The following ITFG2 variants were observed in gnomAD, a reference collection of about 807,000 sequenced individuals.
The protein encoded by ITFG2 is integrin alpha FG-GAP repeat containing 2.
A neutral mutation model predicts 54.4 loss-of-function variants in ITFG2; 36 were observed. The observed-to-expected ratio is 0.66, with a 90% CI of 0.51 to 0.87. ITFG2 has a LOEUF of 0.87. Ranked by LOEUF, ITFG2 falls within the 40% of genes least tolerant of loss-of-function variation. The pLI is 0.00. For synonymous variants in ITFG2, 211 were observed against 225.4 expected (o/e 0.94, Z 0.57); for missense variants, 524 against 576.7 (o/e 0.91, Z 0.94).
At position 2,824,096 on chromosome 12, in the gene ITFG2, A is replaced by G; in HGVS notation, c.1247A>G (p.Asp416Gly). Residue 416 changes from aspartate (D) to glycine (G), a missense_variant, in exon 12 of 12, where the codon GAC (aspartate) becomes GGC (glycine). Asp to Gly is a moderately conservative substitution (Grantham distance 94). Transcript: ENST00000228799. Reference protein sequence around the residue: ...SLLQELGVDPDDLPVTRALLH... With the variant: ...SLLQELGVDPGDLPVTRALLH... ...ACCCCTTCTTGGCTCTCAGATCCTGACGACCTCCCTGTGACTCGTGCCCTG... is the reference window on the plus strand; with the variant it reads ...ACCCCTTCTTGGCTCTCAGATCCTGGCGACCTCCCTGTGACTCGTGCCCTG... The G allele has an allele frequency of 1.2e-6, 2 of 1,613,982 alleles. No homozygotes were observed. Among genetic ancestry groups the G allele is most frequent in the Non-Finnish European group, 1.7e-6 (2 of 1,179,990 alleles).
intron 2 of ITFG2, chr12:2,830,500 A>G: frequency 3.9e-6 from 2 of 517,524 alleles, no homozygotes; most frequent in Non-Finnish European, 3.4e-6. Context: ...GGGCAGAGTA[A>G]TGGTGGTGAC....
intron 2 of ITFG2, chr12:2,830,462 T>A: frequency 3.2e-5 from 14 of 434,402 alleles, no homozygotes; most frequent in South Asian, 1.3e-4. Context: ...TTACTTAATT[T>A]AAGTATTGTA....
rs1358349043 is a variant in ITFG2, at chr12:2,820,086, A to G, written c.407A>G (p.Asp136Gly). The change falls in exon 5 of 12, where the codon GAT becomes GGT. Residue 136 changes from aspartate to glycine, a missense_variant and splice_region_variant. By Grantham distance (94) the Asp-to-Gly change is moderately conservative (BLOSUM62 -1). Coordinates refer to ENST00000228799, the MANE Select transcript of ITFG2 (RefSeq NM_018463.4). ...CCCATCTTGTCTTTCATGCCCACAGATGGAGATGGGTGTCGTGAGCTGGTG... is the reference window on the plus strand; with the variant it reads ...CCCATCTTGTCTTTCATGCCCACAGGTGGAGATGGGTGTCGTGAGCTGGTG... ...NTKVMLISDI[D>G]GDGCRELVVG... 6 of 1,605,114 alleles carry G rather than the reference A, an allele frequency of 3.7e-6. No individual in the cohort carries two copies. Among genetic ancestry groups the G allele is most frequent in the Non-Finnish European group, 5.1e-6 (6 of 1,176,228 alleles).
intron 2 of ITFG2, among the ~76,000 whole-genome samples, chr12:2,850,172 G>A (rs368610900): frequency 9.0e-4 from 137 of 152,144 alleles, no homozygotes; most frequent in African/African-American, 2.9e-3. Flanking sequence ...TCAAACCTCA[G>A]CATTTGAAAA....
intron 7 of ITFG2, 89 bp from the exon 8 acceptor site, chr12:2,821,454 G>A: frequency 6.4e-7 from 1 of 1,564,312 alleles, no homozygotes; most frequent in South Asian, 1.1e-5. Flanking sequence ...TTCGAGCCCT[G>A]TCCTTCCCCT....
intron 2 of ITFG2, chr12:2,849,565 GAA>G (rs1485316959): frequency 1.3e-6 from 2 of 1,534,580 alleles, no homozygotes; most frequent in Non-Finnish European, 1.7e-6. Context: ...AGAGATCAAA[GAA>G]GAGATCCAGG....
rs773365466 is a variant in ITFG2, at chr12:2,817,269, A to G, written c.143A>G (p.Tyr48Cys). The part of the protein sequence containing the change: ...VGDTSGKVSV[Y>C]KNDDSRPWLT... Reference sequence around the variant, plus strand: ...GACACCAGCGGGAAGGTGTCTGTGTATAAAAATGATGACAGTCGGCCATGG... The same window carrying G: ...GACACCAGCGGGAAGGTGTCTGTGTGTAAAAATGATGACAGTCGGCCATGG... Residue 48 changes from tyrosine (Y) to cysteine (C), a missense_variant, in exon 2 of 12, where the codon TAT becomes TGT. Coordinates refer to ENST00000228799, the MANE Select transcript of ITFG2 (RefSeq NM_018463.4). 4 of 1,614,046 alleles carry G rather than the reference A, an allele frequency of 2.5e-6. No individual in the cohort carries two copies. The highest frequency in any genetic ancestry group is 3.4e-6 in the Non-Finnish European group (4 of 1,179,956).
intron 2 of ITFG2, 46 bp from the exon 3 acceptor site, chr12:2,817,863 C>T: frequency 6.3e-7 from 1 of 1,577,156 alleles, no homozygotes; most frequent in African/African-American, 1.4e-5. Flanking sequence ...TCAGGGAGTA[C>T]TGGTCTCCCT....
chr12:2,827,756 T>C, downstream of ITFG2: 1 of 1,610,604 alleles, frequency 6.2e-7, no homozygotes, highest in Non-Finnish European at 8.5e-7. This position sits in a 1 kb window ranked among gnomAD's most constrained non-coding sequence, Gnocchi z 4.0. Context: ...CGTTGCTCCT[T>C]CTCTGCCCAC....
At chr12:2,831,230 C>T (rs1271151774), downstream of ITFG2, among the ~76,000 whole-genome samples, 1 of 151,206 alleles carries the variant, frequency 6.6e-6, no homozygotes, top group African/African-American at 2.4e-5. Context: ...TCCCCTCTGA[C>T]CTCATCCTTC....
chr12:2,843,773 A>ACAG (rs1390484506), intron 2 of ITFG2, among the ~76,000 whole-genome samples: 3,494 of 134,704 alleles, frequency 0.026, 64 homozygotes, highest in East Asian at 0.1. Flanking sequence ...AGATCGTGCC[A>ACAG]CTGCACTCCA....
At chr12:2,835,190 T>TAA (rs1555088488), upstream of ITFG2, 1 of 875,252 alleles carries the variant, frequency 1.1e-6, no homozygotes, top group Non-Finnish European at 1.3e-6. Context: ...TGTGTGTGTG[T>TAA]GAGAGAGAGA....
chr12:2,818,619 C>T (rs1001236690), intron 4 of ITFG2: 2 of 366,104 alleles, frequency 5.5e-6, no homozygotes, highest in Non-Finnish European at 1.0e-5. Flanking sequence ...GCTATGATCT[C>T]ACCACTGCAC....
intron 2 of ITFG2, chr12:2,854,795 G>T: frequency 1.6e-6 from 2 of 1,234,496 alleles, no homozygotes; most frequent in East Asian, 2.6e-5. Context: ...TGGCCAGAGC[G>T]GGGAAGGACA....
chr12:2,855,370 C>G, intron 2 of ITFG2: 1 of 1,519,776 alleles, frequency 6.6e-7, no homozygotes. Context: ...AGGGAACTCC[C>G]AGGACTCGCT....
At position 2,849,212 on chromosome 12, in the gene ITFG2, G is replaced by T. The variant is rs757688746; in HGVS notation, n.300+8217G>T. The stretch of plus-strand genomic sequence containing the variant: ...GCCTGGGGCTCTGGGTATCACGATC[G>T]TCCCCTCTGGAAGCCCTTCTAGAAG... On this transcript the variant is annotated intron_variant and non_coding_transcript_variant, in intron 2 of 3. Transcript: ENST00000537710. 3.9e-6 allele frequency: 6 copies of T among 1,526,778 alleles called. No individual in the cohort carries two copies. In the East Asian group the frequency reaches 1.2e-4, roughly 31 times the overall value. 94.6% of individuals were successfully genotyped at this position (1,526,778 alleles called of 1,614,324 possible). A position where few individuals can be genotyped will look rare whatever the true frequency, so the allele number is the denominator to read the frequency against.
chr12:2,814,397 A>AT (rs1305929949), intron 1 of ITFG2, among the ~76,000 whole-genome samples: 2 of 152,216 alleles, frequency 1.3e-5, no homozygotes, highest in African/African-American at 4.8e-5. Context: ...GAATTACACT[A>AT]TTACACACTC....
chr12:2,834,908 G>A (rs774536426), upstream of ITFG2: 1 of 1,613,668 alleles, frequency 6.2e-7, no homozygotes, highest in Non-Finnish European at 8.5e-7. Flanking sequence ...CTTCCTGCCT[G>A]TCTCTGTCCC....
At chr12:2,859,157 G>A in intron 3 of ITFG2, 5 of 1,607,102 alleles carry the variant, frequency 3.1e-6, no homozygotes, top group Non-Finnish European at 4.3e-6. Context: ...CCACTTCCTG[G>A]GAGTAGCTGA....
Sources: gnomAD v4.1 joint callset for allele counts (sites outside exome capture counted in the v4.1 genomes callset) on GRCh38, gnomAD v4.1.1 for gene constraint, Gnocchi (gnomAD v3.1) non-coding constraint, MANE v1.5 for transcripts, NCBI Gene and HGNC (gene_info 2026-07-23, HGNC 2026-07-21) for gene names.